Variants in ZNF71 observed in about 807,000 individuals in gnomAD.
The protein encoded by ZNF71 is zinc finger protein 71.
In ZNF71, 3 loss-of-function variants were observed where a neutral mutation model predicts 6.7. The ratio of observed to expected loss-of-function variants is 0.45; its 90% CI spans 0.20 to 1.16. The LOEUF (loss-of-function observed/expected upper bound fraction) is 1.16, where lower values mean the gene tolerates loss of function less well. Among genes scored for constraint, ZNF71 ranks in the 50% most tolerant of loss-of-function variants. The pLI is 0.25. For missense variants in ZNF71, 688 were observed against 728.6 expected (o/e 0.94, Z 0.64); for synonymous variants, 343 against 311.1 (o/e 1.10, Z -1.08).
At position 56,598,586 on chromosome 19, in the gene ZNF71, C is replaced by G. The variant is rs919064921; in HGVS notation, c.-52-2921C>G. Reference sequence around the variant, plus strand: ...ACAACAGGGCTTCTCAACCTCCACACTACTGACCTTTGGGCCTGATCATTC... The same window carrying G: ...ACAACAGGGCTTCTCAACCTCCACAGTACTGACCTTTGGGCCTGATCATTC... On this transcript the variant is annotated intron_variant, in intron 1 of 3. Coordinates refer to ENST00000599599, the MANE Select transcript of ZNF71 (RefSeq NM_001370215.1). This position sits in a 1 kb window ranked among gnomAD's most constrained non-coding sequence, Gnocchi z 4.2. Among the ~76,000 whole-genome samples, 2 of 152,190 alleles carry G rather than the reference C, an allele frequency of 1.3e-5. No homozygotes were observed. The highest frequency in any genetic ancestry group is 2.9e-5 in the Non-Finnish European group (2 of 68,040).
chr19:56,617,620 C>T (rs1219987554), intron 3 of ZNF71, among the ~76,000 whole-genome samples: 9 of 152,174 alleles, frequency 5.9e-5, no homozygotes, highest in African/African-American at 1.7e-4. Flanking sequence ...CGGATGTCTC[C>T]CATGACAGTG....
Position 56,622,196 on chromosome 19 carries a change from C to T in ZNF71, c.1089C>T (p.Cys363=). 1.2e-6 allele frequency: 2 copies of T among 1,613,166 alleles called. No individual in the cohort carries two copies. The highest frequency in any genetic ancestry group is 3.3e-5 in the Admixed American group (2 of 59,950). ...AGAAGCCGTACGCCTGCAAGGAGTG[C>T]GGCAAGGCCTTCAACAAGAGCTCCT... is the stretch of plus-strand genomic sequence containing the variant. ...TGEKPYACKE[C]GKAFNKSSSL... Residue 363 remains cysteine, a synonymous_variant, in exon 4 of 4, where the codon TGC becomes TGT. Transcript: ENST00000599599.
chr19:56,608,887 C>T (rs2148010544), intron 2 of ZNF71, among the ~76,000 whole-genome samples: 1 of 152,312 alleles, frequency 6.6e-6, no homozygotes, highest in East Asian at 1.9e-4. Flanking sequence ...CCAGAAGCAA[C>T]TCTACATGGA....
chr19:56,621,667 A>C lies in ZNF71; in HGVS notation c.560A>C (p.Lys187Thr). 6.2e-7 allele frequency: 1 copy of C among 1,614,210 alleles called. No individual in the cohort carries two copies. Among genetic ancestry groups the C allele is most frequent in the South Asian group, 1.1e-5 (1 of 91,090 alleles). Residue 187 changes from lysine (K) to threonine (T), a missense_variant, in exon 4 of 4, where the codon AAG (lysine) becomes ACG (threonine). Lys to Thr is a moderately conservative substitution (Grantham distance 78, BLOSUM62 -1). Transcript: ENST00000599599. ...LSKPPMPCEE[K>T]KTYDCSECGK... ...AAGCCCCCCATGCCCTGCGAGGAGA[A>C]GAAAACCTACGACTGCAGCGAGTGT...
chr19:56,595,607 G>A (rs2044613813), intron 1 of ZNF71, among the ~76,000 whole-genome samples, 179 bp downstream of exon 1: 1 of 152,158 alleles, frequency 6.6e-6, no homozygotes, highest in Non-Finnish European at 1.5e-5. Flanking sequence ...CCGGGGCCAG[G>A]GAGGGAGAGG....
intron 2 of ZNF71, among the ~76,000 whole-genome samples, chr19:56,611,520 A>AG (rs1262902981): frequency 2.6e-5 from 4 of 152,176 alleles, no homozygotes; most frequent in African/African-American, 9.7e-5. Context: ...CTGCTAAGGC[A>AG]GAAACATCAC....
In ZNF71 at chr19:56,603,858, C is replaced by CTCTTCA. The variant is rs61268707; in HGVS notation, c.33+2267_33+2268insTCTTCA. On this transcript the variant is annotated intron_variant, in intron 2 of 3. Transcript: ENST00000599599. The surrounding 1 kb of genome is among the most constrained non-coding windows in gnomAD (Gnocchi z 4.6). The stretch of plus-strand genomic sequence containing the variant: ...AAAAATTGAGCCTGTCTGGTTTCAG[C>CTCTTCA]GTTTTCCCTGTGGTGAAATGGTTTG... Among the ~76,000 whole-genome samples the CTCTTCA allele has an allele frequency of 2.6e-5, 4 of 151,048 alleles. No individual in the cohort carries two copies. Among genetic ancestry groups the CTCTTCA allele is most frequent in the Non-Finnish European group, 5.9e-5 (4 of 67,716 alleles).
chr19:56,608,464 C>T (rs544574687), intron 2 of ZNF71, among the ~76,000 whole-genome samples: 67 of 151,946 alleles, frequency 4.4e-4, no homozygotes, highest in African/African-American at 1.4e-3. Context: ...TTTTTAAAGG[C>T]GGAATAATAT....
Position 56,621,924 on chromosome 19 carries a change from C to T in ZNF71, c.817C>T (p.Pro273Ser), listed in dbSNP as rs759526820. Reference sequence around the variant, plus strand: ...CCAGCGCACGCACACGGGCGAGAAGCCGTATGTGTGCGACGTGTGTGGCAA... The same window carrying T: ...CCAGCGCACGCACACGGGCGAGAAGTCGTATGTGTGCGACGTGTGTGGCAA... ...VHQRTHTGEKPYVCDVCGKAF... is the reference protein window; with the variant it reads ...VHQRTHTGEKSYVCDVCGKAF... The change falls in exon 4 of 4, where the codon CCG becomes TCG. Residue 273 changes from proline to serine, a missense_variant. Physicochemically the swap from Pro to Ser is moderately conservative, Grantham distance 74 (BLOSUM62 -1). Coordinates refer to ENST00000599599, the MANE Select transcript of ZNF71 (RefSeq NM_001370215.1). 6.2e-7 allele frequency: 1 copy of T among 1,613,382 alleles called. No individual in the cohort carries two copies. Among genetic ancestry groups the T allele is most frequent in the Non-Finnish European group, 8.5e-7 (1 of 1,179,848 alleles).
At chr19:56,599,918 T>TGATCC (rs895071038) in intron 1 of ZNF71, among the ~76,000 whole-genome samples, 1 of 151,846 alleles carries the variant, frequency 6.6e-6, no homozygotes, top group African/African-American at 2.4e-5. Context: ...CCTGACCTCG[T>TGATCC]GATCCGCCCG....
Position 56,622,792 on chromosome 19 carries a change from A to C in ZNF71, c.*35A>C. The C allele has an allele frequency of 6.4e-7, 1 of 1,556,326 alleles. No homozygotes were observed. Among genetic ancestry groups the C allele is most frequent in the Non-Finnish European group, 8.7e-7 (1 of 1,149,498 alleles). ...TGCAGGGCTCTCACTGGCGGTGCCC[A>C]GGACGGACGCCAGATGGCTGCGCGC... On this transcript the variant is annotated 3_prime_UTR_variant, in exon 4 of 4. Coordinates refer to ENST00000599599, the MANE Select transcript of ZNF71 (RefSeq NM_001370215.1).
chr19:56,601,908 T>C (rs945484586), intron 2 of ZNF71, among the ~76,000 whole-genome samples: 1 of 152,182 alleles, frequency 6.6e-6, no homozygotes, highest in Admixed American at 6.5e-5. Context: ...GTGTGACCTT[T>C]AAAATGGGCA....
At chr19:56,609,441 C>T (rs2044733210) in intron 2 of ZNF71, among the ~76,000 whole-genome samples, 1 of 152,154 alleles carries the variant, frequency 6.6e-6, no homozygotes, top group South Asian at 2.1e-4. Flanking sequence ...GGCAGTCACT[C>T]CCCATTTCTC....
rs543298585 is a variant in ZNF71 at position 56,613,610 on chromosome 19, T to G, written c.34-202T>G. 1.3e-5 allele frequency among the ~76,000 whole-genome samples: 2 copies of G among 152,312 alleles called. No individual in the cohort carries two copies. The highest frequency in any genetic ancestry group is 4.1e-4 in the South Asian group (2 of 4,826). On this transcript the variant is annotated intron_variant, in intron 2 of 3. Transcript: ENST00000599599. This position sits in a 1 kb window ranked among gnomAD's most constrained non-coding sequence, Gnocchi z 4.6. The stretch of plus-strand genomic sequence containing the variant: ...GTTCCAGAATGTTTCATATGGGATT[T>G]ATTTCTCTATCAGAGTGCCAACCCA...
chr19:56,621,257 GT>G lies in ZNF71; in HGVS notation c.161-4del, dbSNP rs377720725. The G allele has an allele frequency of 5.4e-4, 820 of 1,514,156 alleles. 4 individuals carry two copies. In the African/African-American group the frequency reaches 9.4e-3, roughly 17 times the overall value. 93.8% of individuals were successfully genotyped at this position (1,514,156 alleles called of 1,614,324 possible). Reference sequence around the variant, plus strand: ...ACATGTATTTGCATCTTCTGTTTTTGTTTTTTTCAGACTGGGAGACTAGACC... The same window carrying G: ...ACATGTATTTGCATCTTCTGTTTTTGTTTTTTCAGACTGGGAGACTAGACC... On this transcript the variant is annotated splice_polypyrimidine_tract_variant and intron_variant, in intron 3 of 3. Transcript: ENST00000599599.
At chr19:56,614,236 G>A (rs1344687786) in intron 3 of ZNF71, among the ~76,000 whole-genome samples, 1 of 152,132 alleles carries the variant, frequency 6.6e-6, no homozygotes, top group Non-Finnish European at 1.5e-5. Flanking sequence ...AATACACAAA[G>A]TTAACACTTT....
intron 1 of ZNF71, among the ~76,000 whole-genome samples, chr19:56,596,507 G>A (rs888047795): frequency 2.6e-5 from 4 of 152,138 alleles, no homozygotes; most frequent in African/African-American, 9.7e-5. Context: ...GCCGGGTGGA[G>A]GAGGGGAAAA....
At position 56,621,642 on chromosome 19, in the gene ZNF71, A is replaced by G. The variant is rs896350281; in HGVS notation, c.535A>G (p.Lys179Glu). ...CTTCTCCAGCACTTCAGACCTCAGT[A>G]AGCCCCCCATGCCCTGCGAGGAGAA... is the stretch of plus-strand genomic sequence containing the variant. Reference protein sequence around the residue: ...KNFSSTSDLSKPPMPCEEKKT... With the variant: ...KNFSSTSDLSEPPMPCEEKKT... Residue 179 changes from lysine to glutamate, a missense_variant, in exon 4 of 4, where the codon AAG (lysine) becomes GAG (glutamate). Coordinates refer to ENST00000599599, the MANE Select transcript of ZNF71 (RefSeq NM_001370215.1). The G allele has an allele frequency of 3.7e-6, 6 of 1,614,074 alleles. No individual in the cohort carries two copies. Among genetic ancestry groups the G allele is most frequent in the African/African-American group, 1.3e-5 (1 of 74,938 alleles).
intron 2 of ZNF71, among the ~76,000 whole-genome samples, chr19:56,607,305 G>A (rs935375342): frequency 2.0e-5 from 3 of 152,108 alleles, no homozygotes; most frequent in Non-Finnish European, 4.4e-5. Context: ...TGCTCATTTT[G>A]GGCAAATACT....
Sources: gnomAD v4.1 joint callset for allele counts (sites outside exome capture counted in the v4.1 genomes callset) on GRCh38, gnomAD v4.1.1 for gene constraint, Gnocchi (gnomAD v3.1) non-coding constraint, MANE v1.5 for transcripts, NCBI Gene and HGNC (gene_info 2026-07-23, HGNC 2026-07-21) for gene names.